Variants in ST6GAL2 observed in about 807,000 individuals in gnomAD.
ST6GAL2 encodes beta-galactoside alpha-2,6-sialyltransferase 2.
A neutral mutation model predicts 37.5 loss-of-function variants in ST6GAL2; 24 were observed. The ratio of observed to expected loss-of-function variants is 0.64; its 90% CI spans 0.46 to 0.90. ST6GAL2 has a LOEUF of 0.90. ST6GAL2 is among the 40% of genes least tolerant of loss of function. The probability of loss-of-function intolerance (pLI) is 0.00; values close to 1 mark genes in which losing one functional copy is unlikely to be tolerated. For missense variants in ST6GAL2, 715 were observed against 712.7 expected (o/e 1.00, Z -0.04); for synonymous variants, 306 against 295.1 (o/e 1.04, Z -0.38).
chr2:106,826,720 C>T (rs186787367), intron 5 of ST6GAL2, among the ~76,000 whole-genome samples: 182 of 152,188 alleles, frequency 1.2e-3, no homozygotes, highest in Middle Eastern at 0.01. Flanking sequence ...CAAACTATGT[C>T]AGAGGGTTTA....
Position 106,806,686 on chromosome 2 carries a change from G to T in ST6GAL2, c.1582C>A (p.His528Asn). ...HCPAPSPVIP[H>N]S ...TTCCCAAGAAACCCTTTTTAAGAGT[G>T]TGGAATGACTGGACTTGGTGCAGGG... Residue 528 changes from histidine to asparagine, a missense_variant, in exon 6 of 6, where the codon CAC becomes AAC. His to Asn is a moderately conservative substitution (Grantham distance 68). Around this residue, in one of 3 missense-constraint regions of ST6GAL2, gnomAD observed 198 missense variants for 203.6 expected, o/e 0.97. Transcript: ENST00000409382. 6.2e-7 allele frequency: 1 copy of T among 1,613,816 alleles called. No homozygotes were observed. Among genetic ancestry groups the T allele is most frequent in the South Asian group, 1.1e-5 (1 of 91,052 alleles).
chr2:106,861,858 C>T (rs1002423302), intron 1 of ST6GAL2, among the ~76,000 whole-genome samples: 2 of 152,136 alleles, frequency 1.3e-5, no homozygotes, highest in Non-Finnish European at 2.9e-5. Context: ...TCTTGAACTC[C>T]TGACCTCAAG....
intron 1 of ST6GAL2, among the ~76,000 whole-genome samples, chr2:106,868,027 G>A (rs1425214305): frequency 6.6e-6 from 1 of 152,144 alleles, no homozygotes; most frequent in Non-Finnish European, 1.5e-5. Context: ...TGCCACTTAC[G>A]CTGCTTAAGA....
Position 106,843,150 on chromosome 2 carries a change from C to T in ST6GAL2, c.828G>A (p.Trp276Ter). Residue 276 changes from tryptophan to a stop codon, truncating the protein, a stop_gained, in exon 2 of 6, where the codon TGG becomes TGA. Coordinates refer to ENST00000409382, the MANE Select transcript of ST6GAL2 (RefSeq NM_001142351.2). LOFTEE classifies it high-confidence loss of function. ...GTEAPFSALG[W>*]RRLVPAVPLS... ...GGGGCACGGCGGGCACCAGGCGCCG[C>T]CAGCCCAGCGCAGAAAAGGGCGCCT... 1 of 1,561,150 alleles carries T rather than the reference C, an allele frequency of 6.4e-7. No homozygotes were observed. The highest frequency in any genetic ancestry group is 8.7e-7 in the Non-Finnish European group (1 of 1,155,476).
intron 5 of ST6GAL2, among the ~76,000 whole-genome samples, chr2:106,810,863 G>C (rs534846461): frequency 5.3e-5 from 8 of 152,228 alleles, no homozygotes; most frequent in African/African-American, 1.9e-4. Context: ...GAGGTGGCAG[G>C]ATCACCTTAG....
At chr2:106,842,881 A>G (rs1324886449) in intron 2 of ST6GAL2, among the ~76,000 whole-genome samples, 154 bp downstream of exon 2, 1 of 152,246 alleles carries the variant, frequency 6.6e-6, no homozygotes, top group South Asian at 2.1e-4. Flanking sequence ...GCAATGGGAA[A>G]GCACCTGAAG....
intron 5 of ST6GAL2, chr2:106,813,140 TCTCA>T (rs1380323579): frequency 8.8e-7 from 1 of 1,133,412 alleles, no homozygotes; most frequent in East Asian, 3.2e-5. Flanking sequence ...TGAGATGGAG[TCTCA>T]CTCTGTCGTC....
At chr2:106,865,390 G>C (rs1229152197) in intron 1 of ST6GAL2, among the ~76,000 whole-genome samples, 1 of 152,184 alleles carries the variant, frequency 6.6e-6, no homozygotes, top group Non-Finnish European at 1.5e-5. Context: ...AGTTTCTACA[G>C]GGGTGAAATG....
chr2:106,868,658 A>G (rs909658519), intron 1 of ST6GAL2, among the ~76,000 whole-genome samples: 2 of 152,184 alleles, frequency 1.3e-5, no homozygotes, highest in African/African-American at 4.8e-5. Context: ...ATGAGAAAGA[A>G]ACAGATTGGG....
At chr2:106,834,010 A>G in intron 3 of ST6GAL2, 39 bp downstream of exon 3, 4 of 1,485,420 alleles carry the variant, frequency 2.7e-6, no homozygotes, top group Non-Finnish European at 3.8e-6. Flanking sequence ...AGTTAAACCT[A>G]AGAAACATAC....
At chr2:106,869,602 A>C (rs762225063) in intron 1 of ST6GAL2, among the ~76,000 whole-genome samples, 5 of 152,234 alleles carry the variant, frequency 3.3e-5, no homozygotes, top group Admixed American at 2.6e-4. Context: ...CTCTGGGCAG[A>C]AGCAGGGCCT....
chr2:106,856,174 C>T lies in ST6GAL2; in HGVS notation c.-57-12140G>A, dbSNP rs145300509. On this transcript the variant is annotated intron_variant, in intron 1 of 5. Transcript: ENST00000409382. Reference sequence around the variant, plus strand: ...CTATAACTCCCATAAACAATAGATACGTAAAAATCCCAGCTCTGCTGTGTG... The same window carrying T: ...CTATAACTCCCATAAACAATAGATATGTAAAAATCCCAGCTCTGCTGTGTG... Among the ~76,000 whole-genome samples, 825 of 152,280 alleles carry T rather than the reference C, an allele frequency of 5.4e-3. 6 individuals are homozygous for T. The highest frequency in any genetic ancestry group is 0.019 in the African/African-American group (771 of 41,570).
chr2:106,813,418 T>C (rs1675684801), intron 5 of ST6GAL2, among the ~76,000 whole-genome samples: 1 of 152,174 alleles, frequency 6.6e-6, no homozygotes, highest in African/African-American at 2.4e-5. Flanking sequence ...ATAAGCAGAA[T>C]GGGCACTTAT....
intron 1 of ST6GAL2, among the ~76,000 whole-genome samples, chr2:106,864,800 A>G (rs1677954406): frequency 6.6e-6 from 1 of 152,112 alleles, no homozygotes; most frequent in African/African-American, 2.4e-5. Context: ...CCCTTTTCAC[A>G]CTTTCTAATG....
intron 1 of ST6GAL2, among the ~76,000 whole-genome samples, chr2:106,853,217 T>C: frequency 6.6e-6 from 1 of 152,228 alleles, no homozygotes; most frequent in East Asian, 1.9e-4. Flanking sequence ...CTGGAGTAAA[T>C]GATGTTCCCA....
At chr2:106,842,231 A>G (rs751604321) in intron 2 of ST6GAL2, among the ~76,000 whole-genome samples, 12 of 152,178 alleles carry the variant, frequency 7.9e-5, no homozygotes, top group Non-Finnish European at 1.2e-4. Flanking sequence ...CTCTGTATAG[A>G]CACATATCCT....
chr2:106,875,453 C>A (rs1330454200), intron 1 of ST6GAL2, among the ~76,000 whole-genome samples: 1 of 152,214 alleles, frequency 6.6e-6, no homozygotes, highest in Non-Finnish European at 1.5e-5. Flanking sequence ...GCTGGGATTA[C>A]AGGCGTGAGC....
Position 106,884,934 on chromosome 2 carries a change from T to TAC in ST6GAL2, c.-58+1157_-58+1158dup, listed in dbSNP as rs1553430008. On this transcript the variant is annotated intron_variant, in intron 1 of 5. Coordinates refer to ENST00000409382, the MANE Select transcript of ST6GAL2 (RefSeq NM_001142351.2). ...ATATATATATATATATATATATATA[T>TAC]ACATACACACACACACATATATACA... is the stretch of plus-strand genomic sequence containing the variant. Among the ~76,000 whole-genome samples, 304 of 120,396 alleles carry TAC rather than the reference T, an allele frequency of 2.5e-3. 5 individuals are homozygous for TAC. Among genetic ancestry groups the TAC allele is most frequent in the African/African-American group, 8.6e-3 (243 of 28,142 alleles). 79.0% of individuals were successfully genotyped at this position (120,396 alleles called of 152,430 possible). A position where few individuals can be genotyped will look rare whatever the true frequency, so the allele number is the denominator to read the frequency against.
At chr2:106,812,893 A>C (rs1220287707) in intron 5 of ST6GAL2, among the ~76,000 whole-genome samples, 1 of 152,240 alleles carries the variant, frequency 6.6e-6, no homozygotes, top group Non-Finnish European at 1.5e-5. Flanking sequence ...AAAGCATTTA[A>C]GAAACTTTTA....
Sources: gnomAD v4.1 joint callset for allele counts (sites outside exome capture counted in the v4.1 genomes callset) on GRCh38, gnomAD v4.1.1 for gene constraint, gnomAD v4.1.1 regional missense constraint, MANE v1.5 for transcripts, NCBI Gene and HGNC (gene_info 2026-07-23, HGNC 2026-07-21) for gene names.